CABLES1: variants seen among roughly 807,000 people sequenced by gnomAD.
CABLES1 encodes the protein Cdk5 and Abl enzyme substrate 1, also known as CDK5 and ABL1 enzyme substrate 1.
A neutral mutation model predicts 57.8 loss-of-function variants in CABLES1; 36 were observed. The ratio of observed to expected loss-of-function variants is 0.62; its 90% CI spans 0.48 to 0.82. The LOEUF (loss-of-function observed/expected upper bound fraction) is 0.82. Among genes scored for constraint, CABLES1 ranks in the 40% least tolerant of loss-of-function variants. CABLES1 has a pLI of 0.00. For missense variants in CABLES1, 767 were observed against 836.6 expected, an observed-to-expected ratio of 0.92 and a Z score of 1.03; for synonymous variants, 374 against 363.0, an observed-to-expected ratio of 1.03 and a Z score of -0.35.
At chr18:23,185,002 G>T (rs2047192659) in intron 1 of CABLES1, among the ~76,000 whole-genome samples, 2 of 152,106 alleles carry the variant, frequency 1.3e-5, no homozygotes, top group South Asian at 4.1e-4. Context: ...AATTTTGAGG[G>T]GACACAGATG....
chr18:23,146,253 A>T (rs542790323), intron 1 of CABLES1, among the ~76,000 whole-genome samples: 1 of 152,372 alleles, frequency 6.6e-6, no homozygotes, highest in Non-Finnish European at 1.5e-5. Context: ...CTTAAGGACA[A>T]AAACTGGCAT....
At position 23,253,738 on chromosome 18, in the gene CABLES1, A is replaced by T. The variant is rs1241125315; in HGVS notation, c.1563A>T (p.Arg521=). The change falls in exon 9 of 10, where the codon CGA becomes CGT. Residue 521 remains arginine, a synonymous_variant. Transcript: ENST00000256925. The part of the protein sequence containing the change: ...LTLSKIRSLK[R]EMRKLAQEDC... ...GCCTGTCTTTCTCCAGTCTGAAACG[A>T]GAGATGCGGAAGCTTGCGCAGGAGG... The T allele has an allele frequency of 6.2e-7, 1 of 1,614,086 alleles. No individual in the cohort carries two copies. Among genetic ancestry groups the T allele is most frequent in the East Asian group, 2.2e-5 (1 of 44,882 alleles).
At chr18:23,138,804 A>T (rs1395572220) in intron 1 of CABLES1, among the ~76,000 whole-genome samples, 2 of 152,018 alleles carry the variant, frequency 1.3e-5, no homozygotes, top group Non-Finnish European at 2.9e-5. Context: ...GTCTCCTGGG[A>T]TGTTTTCATA....
chr18:23,224,768 A>G (rs34278245), intron 4 of CABLES1, among the ~76,000 whole-genome samples: 1 of 151,824 alleles, frequency 6.6e-6, no homozygotes, highest in African/African-American at 2.4e-5. Context: ...ACGGGGTTTC[A>G]CCATGCTAGC....
Position 23,235,950 on chromosome 18 carries a change from A to C in CABLES1, c.1241A>C (p.Asn414Thr). 4 of 1,614,176 alleles carry C rather than the reference A, an allele frequency of 2.5e-6. No homozygotes were observed. The highest frequency in any genetic ancestry group is 3.4e-6 in the Non-Finnish European group (4 of 1,180,024). ...LPTNAFGARRNTIDSTSSFSQ... is the reference protein window; with the variant it reads ...LPTNAFGARRTTIDSTSSFSQ... ...ACAAATGCCTTTGGAGCCCGGAGAA[A>C]TACCATAGACTCCACCTCCTCTTTC... is the stretch of plus-strand genomic sequence containing the variant. The change falls in exon 6 of 10, where the codon AAT becomes ACT. Residue 414 changes from asparagine (N) to threonine (T), a missense_variant. Coordinates refer to ENST00000256925, the MANE Select transcript of CABLES1 (RefSeq NM_001100619.3).
At position 23,165,263 on chromosome 18, in the gene CABLES1, A is replaced by G. The variant is rs557906997; in HGVS notation, c.846-23575A>G. ...ACACCCAGCTAATTTTTTAATTTTA[A>G]TTTTTTATTTTTTTATAGAGACAGG... On this transcript the variant is annotated intron_variant, in intron 1 of 9. Coordinates refer to ENST00000256925, the MANE Select transcript of CABLES1 (RefSeq NM_001100619.3). Among the ~76,000 whole-genome samples the G allele has an allele frequency of 1.6e-4, 24 of 152,038 alleles. No homozygotes were observed. In the South Asian group the frequency reaches 4.2e-3, roughly 26 times the overall value.
chr18:23,195,380 C>A (rs940856345), intron 3 of CABLES1, among the ~76,000 whole-genome samples: 1 of 152,136 alleles, frequency 6.6e-6, no homozygotes, highest in Non-Finnish European at 1.5e-5. Flanking sequence ...GTTTGATCTC[C>A]TAATTTATAG....
chr18:23,237,961 C>T (rs1045826218), intron 7 of CABLES1, among the ~76,000 whole-genome samples: 17 of 152,094 alleles, frequency 1.1e-4, no homozygotes, highest in African/African-American at 4.1e-4. Context: ...TCAGAACAGT[C>T]GATTGGCCAG....
chr18:23,217,231 G>A (rs572748506), intron 4 of CABLES1, among the ~76,000 whole-genome samples: 5 of 152,024 alleles, frequency 3.3e-5, no homozygotes, highest in East Asian at 1.9e-4. Context: ...ACAGTCGCGC[G>A]CCACCACACC....
chr18:23,156,744 C>T (rs1217373523), intron 1 of CABLES1, among the ~76,000 whole-genome samples: 1 of 152,146 alleles, frequency 6.6e-6, no homozygotes, highest in African/African-American at 2.4e-5. Flanking sequence ...TCTTCATTGA[C>T]AGCGGCATTG....
At chr18:23,142,408 C>T (rs938001879) in intron 1 of CABLES1, among the ~76,000 whole-genome samples, 1 of 152,156 alleles carries the variant, frequency 6.6e-6, no homozygotes, top group Non-Finnish European at 1.5e-5. Context: ...TGAAACTACC[C>T]TCACACCAAG....
chr18:23,155,295 A>C (rs1246158637), intron 1 of CABLES1, among the ~76,000 whole-genome samples: 1 of 152,242 alleles, frequency 6.6e-6, no homozygotes, highest in African/African-American at 2.4e-5. Flanking sequence ...TTATATTGTC[A>C]CAAATTGGTA....
chr18:23,212,807 A>G (rs1423874184), intron 3 of CABLES1, among the ~76,000 whole-genome samples: 1 of 152,074 alleles, frequency 6.6e-6, no homozygotes, highest in Non-Finnish European at 1.5e-5. Flanking sequence ...GGCAGGAAAC[A>G]CTCCGTGGAG....
intron 1 of CABLES1, among the ~76,000 whole-genome samples, chr18:23,147,719 T>C (rs1272153131): frequency 6.6e-6 from 1 of 152,170 alleles, no homozygotes; most frequent in African/African-American, 2.4e-5. Flanking sequence ...ATTGCCAAAA[T>C]AAAGCAAGGT....
intron 3 of CABLES1, among the ~76,000 whole-genome samples, chr18:23,209,074 A>C (rs1336643890): frequency 6.6e-6 from 1 of 152,174 alleles, no homozygotes; most frequent in Non-Finnish European, 1.5e-5. Context: ...AGTCAACCAC[A>C]TGGTCTGAAA....
intron 7 of CABLES1, among the ~76,000 whole-genome samples, chr18:23,237,596 G>A (rs956756980): frequency 6.6e-6 from 1 of 152,220 alleles, no homozygotes; most frequent in African/African-American, 2.4e-5. Context: ...GTCCAGCTCC[G>A]TTTGGAGTTC....
chr18:23,257,452 G>A lies in CABLES1; in HGVS notation c.*85G>A. 1.4e-6 allele frequency: 2 copies of A among 1,417,246 alleles called. No individual in the cohort carries two copies. Among genetic ancestry groups the A allele is most frequent in the Non-Finnish European group, 1.9e-6 (2 of 1,057,320 alleles). The allele number at this position is 1,417,246 out of a possible 1,614,324, so 87.8% of individuals were successfully genotyped here. ...TTACTACTGGAAATGAAAAAAAGTA[G>A]AACTCAGAATACCAGACTTTTCTTC... On this transcript the variant is annotated 3_prime_UTR_variant, in exon 10 of 10. Coordinates refer to ENST00000256925, the MANE Select transcript of CABLES1 (RefSeq NM_001100619.3).
At chr18:23,194,289 T>G (rs2047266015) in intron 2 of CABLES1, among the ~76,000 whole-genome samples, 159 bp from the exon 3 acceptor site, 1 of 152,178 alleles carries the variant, frequency 6.6e-6, no homozygotes, top group African/African-American at 2.4e-5. Flanking sequence ...TAAGCTTCCT[T>G]GCTTCCAGCC....
intron 1 of CABLES1, among the ~76,000 whole-genome samples, chr18:23,166,473 G>C (rs2047043490): frequency 6.6e-6 from 1 of 152,178 alleles, no homozygotes; most frequent in African/African-American, 2.4e-5. Flanking sequence ...AAAGTGTTGG[G>C]ATTACAGGCG....
Sources: allele counts gnomAD v4.1 joint callset (sites outside exome capture counted in the v4.1 genomes callset), GRCh38; gene constraint gnomAD v4.1.1; transcripts MANE v1.5; gene names NCBI Gene and HGNC (gene_info 2026-07-23, HGNC 2026-07-21).